DGCR2: variants seen among roughly 807,000 people sequenced by gnomAD.
DGCR2 encodes DiGeorge syndrome critical region gene 2, also known as integral membrane protein DGCR2/IDD.
Under a neutral mutation model 51.6 loss-of-function variants are expected in DGCR2, and 24 were observed. That is an observed-to-expected ratio of 0.47 (90% CI 0.34 to 0.65). The LOEUF (loss-of-function observed/expected upper bound fraction) is 0.65, where lower values mean the gene tolerates loss of function less well. DGCR2 is among the 30% of genes least tolerant of loss of function. DGCR2 has a pLI of 0.01. For missense variants in DGCR2, 765 were observed against 772.1 expected (o/e 0.99, Z 0.11); for synonymous variants, 340 against 315.4 (o/e 1.08, Z -0.82).
At chr22:19,067,384 A>T (rs2082761687) in intron 3 of DGCR2, among the ~76,000 whole-genome samples, 1 of 152,134 alleles carries the variant, frequency 6.6e-6, no homozygotes, top group African/African-American at 2.4e-5. Flanking sequence ...TTAAATAACT[A>T]ATCACCTTAA....
intron 4 of DGCR2, 96 bp from the exon 5 acceptor site, chr22:19,063,374 C>T: frequency 8.7e-7 from 1 of 1,153,002 alleles, no homozygotes; most frequent in Non-Finnish European, 1.3e-6. Flanking sequence ...CAGAGTCTCG[C>T]TCTGTCACCA....
intron 1 of DGCR2, among the ~76,000 whole-genome samples, chr22:19,095,660 C>CAA (rs560020507): frequency 1.4e-4 from 9 of 65,162 alleles, no homozygotes; most frequent in Admixed American, 1.6e-4. Flanking sequence ...GACTCCGTCT[C>CAA]AAAAAAAAAA....
chr22:19,109,453 A>T (rs2083292333), intron 1 of DGCR2, among the ~76,000 whole-genome samples: 1 of 152,242 alleles, frequency 6.6e-6, no homozygotes, highest in South Asian at 2.1e-4. Context: ...AATACAACTC[A>T]GCCTTAAAAA....
intron 2 of DGCR2, among the ~76,000 whole-genome samples, chr22:19,078,620 G>A (rs144833722): frequency 6.6e-6 from 1 of 152,314 alleles, no homozygotes; most frequent in African/African-American, 2.4e-5. Context: ...AGTGGTGAAA[G>A]CAGACATCCT....
intron 1 of DGCR2, among the ~76,000 whole-genome samples, chr22:19,094,995 ATGTT>A (rs1054182344): frequency 1.3e-5 from 2 of 152,200 alleles, no homozygotes; most frequent in Non-Finnish European, 2.9e-5. Flanking sequence ...GCACGAGAAA[ATGTT>A]TGGGGTGACG....
At chr22:19,051,862 C>CCA (rs763467470) in intron 6 of DGCR2, among the ~76,000 whole-genome samples, 24 of 152,136 alleles carry the variant, frequency 1.6e-4, no homozygotes, top group Non-Finnish European at 3.1e-4. Context: ...CAAATTGAAA[C>CCA]CATAAGGAGC....
intron 2 of DGCR2, among the ~76,000 whole-genome samples, chr22:19,076,724 A>ATTTTTTTTTTTTTTTTTTTTTT (rs1165827499): frequency 2.5e-5 from 2 of 79,936 alleles, no homozygotes; most frequent in African/African-American, 5.3e-5. Flanking sequence ...TCCTTTGCAC[A>ATTTTTTTTTTTTTTTTTTTTTT]TTTTTTTTTT....
intron 2 of DGCR2, among the ~76,000 whole-genome samples, chr22:19,079,282 G>T (rs1340603651): frequency 6.6e-6 from 1 of 152,138 alleles, no homozygotes; most frequent in African/African-American, 2.4e-5. Flanking sequence ...TAAGTATAAT[G>T]TAAATATTCC....
At chr22:19,042,485 T>C (rs1163733018) in intron 7 of DGCR2, among the ~76,000 whole-genome samples, 2 of 152,210 alleles carry the variant, frequency 1.3e-5, no homozygotes, top group Non-Finnish European at 2.9e-5. Context: ...GGGACAGCCC[T>C]TTCCTGGTAG....
At chr22:19,111,395 C>T (rs1601309166) in intron 1 of DGCR2, among the ~76,000 whole-genome samples, 1 of 152,218 alleles carries the variant, frequency 6.6e-6, no homozygotes, top group African/African-American at 2.4e-5. Flanking sequence ...CTCTGCCATA[C>T]AGCTCTTTCA....
intron 3 of DGCR2, 40 bp from the exon 4 acceptor site, chr22:19,065,107 C>G (rs767798379): frequency 6.3e-7 from 1 of 1,580,932 alleles, no homozygotes; most frequent in Non-Finnish European, 8.7e-7. Flanking sequence ...AGTTAGGATC[C>G]AGCTCCAAAA....
At chr22:19,059,188 T>A (rs2082634103) in intron 5 of DGCR2, among the ~76,000 whole-genome samples, 1 of 152,020 alleles carries the variant, frequency 6.6e-6, no homozygotes, top group African/African-American at 2.4e-5. Flanking sequence ...AAACGAGAGC[T>A]GTGAACAAGG....
chr22:19,100,981 C>T (rs1303879748), intron 1 of DGCR2, among the ~76,000 whole-genome samples: 2 of 152,018 alleles, frequency 1.3e-5, no homozygotes, highest in Admixed American at 1.3e-4. Flanking sequence ...TGGCACGCTC[C>T]TGTAGTCCCA....
At chr22:19,073,049 G>A (rs2082834009) in intron 2 of DGCR2, among the ~76,000 whole-genome samples, 1 of 151,990 alleles carries the variant, frequency 6.6e-6, no homozygotes. Flanking sequence ...TTGAGGCCAG[G>A]AGTTGGAGAC....
rs57362176 is a variant in DGCR2 at position 19,119,735 on chromosome 22, C to CAAA, written c.79+2390_79+2392dup. On this transcript the variant is annotated intron_variant, in intron 1 of 9. Transcript: ENST00000263196. ...TGAGCAACAGAGCAGGACTCTGTCT[C>CAAA]AAAAAAAAAAAAAAAAAAAAAATTG... 8.5e-3 allele frequency among the ~76,000 whole-genome samples: 662 copies of CAAA among 77,812 alleles called. 12 individuals are homozygous for CAAA. The highest frequency in any genetic ancestry group is 0.024 in the African/African-American group (472 of 19,846). The allele number at this position is 77,812 out of a possible 152,430, so 51.0% of individuals were successfully genotyped here. A position where few individuals can be genotyped will look rare whatever the true frequency, so the allele number is the denominator to read the frequency against.
At chr22:19,072,706 C>A (rs1291426197) in intron 2 of DGCR2, among the ~76,000 whole-genome samples, 2 of 152,008 alleles carry the variant, frequency 1.3e-5, no homozygotes, top group African/African-American at 2.4e-5. Flanking sequence ...AACCCCGTCT[C>A]TAATAAAAAT....
chr22:19,105,616 C>T (rs903144878), intron 1 of DGCR2, among the ~76,000 whole-genome samples: 4 of 152,138 alleles, frequency 2.6e-5, no homozygotes, highest in South Asian at 4.1e-4. Flanking sequence ...AGAGGGACTT[C>T]GGGACCAGAT....
chr22:19,076,410 C>A (rs1163763005), intron 2 of DGCR2, among the ~76,000 whole-genome samples: 1 of 152,048 alleles, frequency 6.6e-6, no homozygotes, highest in Non-Finnish European at 1.5e-5. Flanking sequence ...AGTGATCCGC[C>A]CGCCTCGGCC....
chr22:19,048,125 G>A (rs1399318368), intron 7 of DGCR2: 2 of 419,762 alleles, frequency 4.8e-6, no homozygotes, highest in South Asian at 2.5e-5. Context: ...CCCTGGAGGC[G>A]TAAGTTTGAA....
Sources: allele counts gnomAD v4.1 joint callset (sites outside exome capture counted in the v4.1 genomes callset), GRCh38; gene constraint gnomAD v4.1.1; transcripts MANE v1.5; gene names NCBI Gene and HGNC (gene_info 2026-07-23, HGNC 2026-07-21).